The following RGS6 variants were observed in gnomAD, a reference collection of about 807,000 sequenced individuals.
RGS6 encodes the protein regulator of G-protein signaling 6.
A neutral mutation model predicts 78.5 loss-of-function variants in RGS6; 30 were observed. That is an observed-to-expected ratio of 0.38 (90% CI 0.29 to 0.52). The LOEUF (loss-of-function observed/expected upper bound fraction) is 0.52, where lower values mean the gene tolerates loss of function less well. RGS6 is among the 20% of genes least tolerant of loss of function. The pLI is 0.85. For missense variants in RGS6, 495 were observed against 609.7 expected (o/e 0.81, Z 1.98); for synonymous variants, 206 against 206.0 (o/e 1.00, Z 0.00).
the RGS6 span, among the ~76,000 whole-genome samples, chr14:71,920,430 G>T: frequency 6.6e-6 from 1 of 152,226 alleles, no homozygotes; most frequent in Non-Finnish European, 1.5e-5. Context: ...GAACAAGTCA[G>T]CAAGGGAGCT....
intron 2 of RGS6, among the ~76,000 whole-genome samples, chr14:72,185,578 T>A (rs1203487772): frequency 6.6e-6 from 1 of 152,098 alleles, no homozygotes; most frequent in East Asian, 1.9e-4. Flanking sequence ...GTGTAGAGTG[T>A]GAATTATTTG....
intron 2 of RGS6, among the ~76,000 whole-genome samples, chr14:72,214,794 T>TA (rs34216603): frequency 6.6e-6 from 1 of 151,894 alleles, no homozygotes; most frequent in Non-Finnish European, 1.5e-5. Flanking sequence ...CACTGTCTCT[T>TA]AAAAAAACAT....
At chr14:71,921,871 A>G in the RGS6 span, among the ~76,000 whole-genome samples, 1 of 152,230 alleles carries the variant, frequency 6.6e-6, no homozygotes, top group East Asian at 1.9e-4. Flanking sequence ...GGCTTGTATC[A>G]GGATATCTGT....
intron 2 of RGS6, among the ~76,000 whole-genome samples, chr14:72,233,188 A>G (rs1034648037): frequency 6.6e-6 from 1 of 152,196 alleles, no homozygotes; most frequent in South Asian, 2.1e-4. Context: ...TCTGATTCTA[A>G]TGCCAGCCTC....
intron 2 of RGS6, among the ~76,000 whole-genome samples, chr14:72,052,985 C>CTTTCTT (rs745409035): frequency 0.061 from 3,249 of 52,964 alleles, 96 homozygotes; most frequent in East Asian, 0.12. Context: ...TTCTTTCTTT[C>CTTTCTT]TCTCTCTCTC....
intron 3 of RGS6, among the ~76,000 whole-genome samples, chr14:72,424,975 C>A (rs555076223): frequency 6.6e-6 from 1 of 152,148 alleles, no homozygotes; most frequent in African/African-American, 2.4e-5. Context: ...GTGCTGAGAA[C>A]GGTGCCTGAC....
chr14:72,061,028 A>G (rs1450713692), intron 2 of RGS6, among the ~76,000 whole-genome samples: 2 of 152,170 alleles, frequency 1.3e-5, no homozygotes, highest in Non-Finnish European at 2.9e-5. Flanking sequence ...GGCTGCAAAT[A>G]TTCTGGCAGC....
intron 3 of RGS6, among the ~76,000 whole-genome samples, chr14:72,437,340 CAAAAAAA>C (rs57302818): frequency 7.4e-5 from 6 of 80,950 alleles, no homozygotes; most frequent in South Asian, 4.5e-4. Context: ...GACTCCATCT[CAAAAAAA>C]AAAAAAAAAA....
At chr14:72,440,446 G>A (rs987908175) in intron 3 of RGS6, among the ~76,000 whole-genome samples, 1 of 142,554 alleles carries the variant, frequency 7.0e-6, no homozygotes, top group African/African-American at 2.6e-5. Context: ...ATGGAGTCTC[G>A]CTCTGTTGCC....
chr14:72,201,004 G>T (rs1222426266), intron 2 of RGS6, among the ~76,000 whole-genome samples: 2 of 139,404 alleles, frequency 1.4e-5, no homozygotes, highest in Non-Finnish European at 1.5e-5. Flanking sequence ...GAAAAGAAAA[G>T]AAATTGTGTT....
intron 3 of RGS6, among the ~76,000 whole-genome samples, chr14:72,428,204 A>G (rs531053769): frequency 9.2e-5 from 14 of 152,278 alleles, no homozygotes; most frequent in Admixed American, 1.3e-4. Context: ...GAGACAGAGA[A>G]ATAACAGGAT....
chr14:71,987,027 T>A (rs2153164752), intron 2 of RGS6, among the ~76,000 whole-genome samples: 1 of 152,272 alleles, frequency 6.6e-6, no homozygotes, highest in Middle Eastern at 3.4e-3. Flanking sequence ...CTTAACTTAG[T>A]CCCACCTGCA....
At chr14:72,181,701 A>G (rs1483581553) in intron 2 of RGS6, among the ~76,000 whole-genome samples, 1 of 152,240 alleles carries the variant, frequency 6.6e-6, no homozygotes, top group Non-Finnish European at 1.5e-5. Context: ...ATATGGTAAA[A>G]TAATCAGGTT....
intron 7 of RGS6, among the ~76,000 whole-genome samples, chr14:72,468,384 A>AG (rs2095981800): frequency 6.6e-6 from 1 of 152,062 alleles, no homozygotes; most frequent in Non-Finnish European, 1.5e-5. Context: ...TCAAAAAAAA[A>AG]AAAAAGAATA....
chr14:71,880,410 A>G, the RGS6 span, among the ~76,000 whole-genome samples: 1 of 152,208 alleles, frequency 6.6e-6, no homozygotes, highest in African/African-American at 2.4e-5. Context: ...GAATGTCAGA[A>G]GTCTTCACTG....
chr14:72,005,244 G>A (rs990144795), intron 2 of RGS6, among the ~76,000 whole-genome samples: 2 of 152,110 alleles, frequency 1.3e-5, no homozygotes, highest in Non-Finnish European at 1.5e-5. Context: ...AATATCAGAT[G>A]TTAATGGTAA....
chr14:71,886,225 G>A, the RGS6 span, among the ~76,000 whole-genome samples: 7 of 152,152 alleles, frequency 4.6e-5, no homozygotes, highest in Non-Finnish European at 1.0e-4. Context: ...GAACACTCCA[G>A]GTAAAGTAGC....
In RGS6 at chr14:72,384,186, C is replaced by T. The variant is rs980431025; in HGVS notation, c.184+31992C>T. ...AAATAAGTTAAAATAAACACTGGGG[C>T]ATGGTGATGGAAAAGATGAAAAAAC... is the stretch of plus-strand genomic sequence containing the variant. On this transcript the variant is annotated intron_variant, in intron 3 of 17. Transcript: ENST00000553525. Among the ~76,000 whole-genome samples the T allele has an allele frequency of 2.0e-5, 3 of 152,026 alleles. No individual in the cohort carries two copies. In the East Asian group the frequency reaches 5.8e-4, roughly 29 times the overall value.
chr14:72,207,358 A>G (rs1567470442), intron 2 of RGS6, among the ~76,000 whole-genome samples: 1 of 152,230 alleles, frequency 6.6e-6, no homozygotes, highest in Non-Finnish European at 1.5e-5. Context: ...ATATGAGATT[A>G]CTGGAAACTA....
Sources: gnomAD v4.1 joint callset for allele counts (sites outside exome capture counted in the v4.1 genomes callset) on GRCh38, gnomAD v4.1.1 for gene constraint, MANE v1.5 for transcripts, NCBI Gene and HGNC (gene_info 2026-07-23, HGNC 2026-07-21) for gene names.